The following TBCEL variants were observed in gnomAD, a reference collection of about 807,000 sequenced individuals.
TBCEL encodes the protein tubulin folding cofactor E like.
TBCEL carries 15 observed loss-of-function variants against 44.2 expected under a neutral mutation model. The observed-to-expected ratio is 0.34, with a 90% CI of 0.23 to 0.52. The LOEUF is 0.52. Ranked by LOEUF, TBCEL falls within the 20% of genes least tolerant of loss-of-function variation. TBCEL has a pLI of 0.95. For synonymous variants in TBCEL, 171 were observed against 185.4 expected (o/e 0.92, Z 0.63); for missense variants, 319 against 506.3 (o/e 0.63, Z 3.55).
chr11:121,082,767 T>C (rs958967316), intron 8 of TBCEL, among the ~76,000 whole-genome samples: 6 of 152,176 alleles, frequency 3.9e-5, no homozygotes, highest in African/African-American at 1.2e-4. Flanking sequence ...CTCTCTAGGA[T>C]TGACTCTGGA....
rs1946236095 is a variant in TBCEL, at chr11:121,087,477, A to G, written c.*381A>G. On this transcript the variant is annotated 3_prime_UTR_variant, in exon 9 of 9. Transcript: ENST00000683345. ...GCCCCTTAGAAGGGTCTCATAGAGAATTTAAACAGGGTGACAAGGAATCTT... is the reference window on the plus strand; with the variant it reads ...GCCCCTTAGAAGGGTCTCATAGAGAGTTTAAACAGGGTGACAAGGAATCTT... The G allele has an allele frequency of 5.9e-6, 1 of 168,168 alleles. No homozygotes were observed. The highest frequency in any genetic ancestry group is 1.7e-4 in the South Asian group (1 of 5,936). The allele number at this position is 168,168 out of a possible 1,614,324, so 10.4% of individuals were successfully genotyped here. A position where few individuals can be genotyped will look rare whatever the true frequency, so the allele number is the denominator to read the frequency against.
chr11:121,065,600 A>T (rs1945806271), intron 8 of TBCEL, among the ~76,000 whole-genome samples: 1 of 152,234 alleles, frequency 6.6e-6, no homozygotes, highest in Admixed American at 6.5e-5. Flanking sequence ...GAGAAAAAAG[A>T]TCATTTTATT....
chr11:121,080,831 A>G (rs1591421368), intron 8 of TBCEL, among the ~76,000 whole-genome samples: 1 of 152,318 alleles, frequency 6.6e-6, no homozygotes, highest in Middle Eastern at 3.4e-3. Context: ...AAGATGGAGA[A>G]ACAGGCATAC....
chr11:121,066,534 G>A (rs1945824312), intron 8 of TBCEL, among the ~76,000 whole-genome samples: 1 of 152,180 alleles, frequency 6.6e-6, no homozygotes, highest in Non-Finnish European at 1.5e-5. Context: ...AGTAGTTGTT[G>A]ATACAAGTCC....
chr11:121,048,562 A>G (rs918463592), intron 4 of TBCEL, among the ~76,000 whole-genome samples: 2 of 151,856 alleles, frequency 1.3e-5, no homozygotes, highest in Non-Finnish European at 2.9e-5. Context: ...AGACTTTCCT[A>G]ATGGGTTTTC....
intron 4 of TBCEL, among the ~76,000 whole-genome samples, chr11:121,048,412 T>C (rs1024141410): frequency 6.6e-6 from 1 of 151,922 alleles, no homozygotes; most frequent in Non-Finnish European, 1.5e-5. Context: ...CATTCTCTTA[T>C]TATTATATGT....
At chr11:121,073,762 AAG>A (rs1945981468) in intron 8 of TBCEL, among the ~76,000 whole-genome samples, 1 of 151,832 alleles carries the variant, frequency 6.6e-6, no homozygotes, top group Admixed American at 6.6e-5. Flanking sequence ...CTATTTTTCT[AAG>A]AGTTTCTTTT....
intron 8 of TBCEL, among the ~76,000 whole-genome samples, chr11:121,067,591 A>G (rs888218331): frequency 6.6e-6 from 1 of 152,280 alleles, no homozygotes; most frequent in East Asian, 1.9e-4. Flanking sequence ...TTGGCCTTTG[A>G]CCATCATACT....
intron 3 of TBCEL, among the ~76,000 whole-genome samples, chr11:121,046,996 TAAGTG>T (rs1289159954): frequency 6.6e-6 from 1 of 152,016 alleles, no homozygotes; most frequent in Non-Finnish European, 1.5e-5. Flanking sequence ...TGGATCCACT[TAAGTG>T]AGGAAGATTT....
intron 4 of TBCEL, among the ~76,000 whole-genome samples, chr11:121,052,226 A>G (rs1945541134): frequency 6.6e-6 from 1 of 151,884 alleles, no homozygotes; most frequent in African/African-American, 2.4e-5. Context: ...AGTGTCCACT[A>G]TGCAGTAGTG....
chr11:121,039,822 T>A (rs73589525), intron 2 of TBCEL, among the ~76,000 whole-genome samples: 2 of 152,188 alleles, frequency 1.3e-5, no homozygotes, highest in African/African-American at 4.8e-5. Flanking sequence ...ATTGTTTACC[T>A]GAAGTTTTGT....
chr11:121,065,204 C>T (rs145236193), intron 8 of TBCEL, among the ~76,000 whole-genome samples: 1 of 152,304 alleles, frequency 6.6e-6, no homozygotes, highest in East Asian at 1.9e-4. Flanking sequence ...ATTAACCCTA[C>T]TGAGCATGCT....
intron 1 of TBCEL, among the ~76,000 whole-genome samples, chr11:121,034,032 C>T (rs1365638273): frequency 6.6e-6 from 1 of 151,996 alleles, no homozygotes; most frequent in Non-Finnish European, 1.5e-5. Flanking sequence ...ATTTATCTAC[C>T]TTTTGACTAT....
chr11:121,038,233 G>C (rs1249457439), intron 2 of TBCEL, among the ~76,000 whole-genome samples: 1 of 151,998 alleles, frequency 6.6e-6, no homozygotes, highest in South Asian at 2.1e-4. Flanking sequence ...CAAAGTTCTT[G>C]GATTACAGGC....
intron 8 of TBCEL, among the ~76,000 whole-genome samples, chr11:121,085,380 T>G (rs899249015): frequency 6.6e-6 from 1 of 152,218 alleles, no homozygotes; most frequent in Non-Finnish European, 1.5e-5. Flanking sequence ...AAAATAAGCT[T>G]CAGAGCAGCA....
At chr11:121,038,728 C>G (rs1945278322) in intron 2 of TBCEL, among the ~76,000 whole-genome samples, 2 of 152,118 alleles carry the variant, frequency 1.3e-5, no homozygotes, top group South Asian at 4.1e-4. Context: ...CAAATTCAGG[C>G]AATACATTTC....
chr11:121,041,254 T>G (rs1287672280), intron 2 of TBCEL, among the ~76,000 whole-genome samples: 1 of 152,190 alleles, frequency 6.6e-6, no homozygotes, highest in Non-Finnish European at 1.5e-5. Context: ...GTACAAATTG[T>G]TTGCGTACTT....
At chr11:121,072,619 A>G (rs1157819117) in intron 8 of TBCEL, among the ~76,000 whole-genome samples, 1 of 152,018 alleles carries the variant, frequency 6.6e-6, no homozygotes, top group Non-Finnish European at 1.5e-5. Context: ...AGCATTTTAT[A>G]ATTCTTTATT....
At chr11:121,060,215 A>G in intron 8 of TBCEL, 130 bp downstream of exon 8, 1 of 652,200 alleles carries the variant, frequency 1.5e-6, no homozygotes, top group African/African-American at 1.8e-5. Context: ...CGTTAAAAAA[A>G]AGGAAGAAAC....
Sources: allele counts gnomAD v4.1 joint callset (sites outside exome capture counted in the v4.1 genomes callset), GRCh38; gene constraint gnomAD v4.1.1; transcripts MANE v1.5; gene names NCBI Gene and HGNC (gene_info 2026-07-23, HGNC 2026-07-21).